The following FZD3 variants were observed in gnomAD, a reference collection of about 807,000 sequenced individuals.
FZD3 encodes the protein frizzled class receptor 3.
FZD3 carries 30 observed loss-of-function variants against 60.7 expected under a neutral mutation model. The ratio of observed to expected loss-of-function variants is 0.49; its 90% CI spans 0.37 to 0.67. FZD3 has a LOEUF of 0.67. Ranked by LOEUF, FZD3 falls within the 30% of genes least tolerant of loss-of-function variation. The pLI is 0.00. For missense variants in FZD3, 605 were observed against 838.7 expected (o/e 0.72, Z 3.44); for synonymous variants, 246 against 275.2 (o/e 0.89, Z 1.05).
chr8:28,508,678 T>TTTTGTTTGTTTG (rs147155384), intron 3 of FZD3, among the ~76,000 whole-genome samples: 2 of 151,442 alleles, frequency 1.3e-5, no homozygotes, highest in African/African-American at 4.9e-5. Flanking sequence ...TTTTTGTGTT[T>TTTTGTTTGTTTG]TTTGTTTGTT....
At chr8:28,503,889 C>T (rs1804066781) in intron 3 of FZD3, among the ~76,000 whole-genome samples, 1 of 152,156 alleles carries the variant, frequency 6.6e-6, no homozygotes, top group Non-Finnish European at 1.5e-5. Flanking sequence ...AGTTTCTTTG[C>T]TTGTAACTTA....
intron 4 of FZD3, among the ~76,000 whole-genome samples, chr8:28,522,454 G>A (rs779347548): frequency 6.6e-6 from 1 of 151,888 alleles, no homozygotes; most frequent in Admixed American, 6.6e-5. Context: ...CTTCCCTTTT[G>A]TTTAGCCCCA....
Position 28,569,818 on chromosome 8 carries a change from G to A in FZD3, c.*6807G>A, listed in dbSNP as rs1481246785. 5 of 152,074 alleles carry A rather than the reference G, an allele frequency of 3.3e-5. No homozygotes were observed. Among genetic ancestry groups the A allele is most frequent in the African/African-American group, 1.2e-4 (5 of 41,416 alleles). The allele number at this position is 152,074 out of a possible 1,614,324, so 9.4% of individuals were successfully genotyped here. ...GATACATAGAAAAGAATGACATAAC[G>A]TTTTGTGGTCTTTGTTCTCTTAAAT... On this transcript the variant is annotated 3_prime_UTR_variant, in exon 8 of 8. Transcript: ENST00000240093.
chr8:28,564,846 G>A lies in FZD3; in HGVS notation c.*1835G>A, dbSNP rs1273472166. ...TAACTCTCCGAGCCTCAGTTCCCTT[G>A]TTTGTAAATGAAGATAGAAGATAAA... is the stretch of plus-strand genomic sequence containing the variant. On this transcript the variant is annotated 3_prime_UTR_variant, in exon 8 of 8. Coordinates refer to ENST00000240093, the MANE Select transcript of FZD3 (RefSeq NM_017412.4). 1 of 151,820 alleles carries A rather than the reference G, an allele frequency of 6.6e-6. No individual in the cohort carries two copies. Among genetic ancestry groups the A allele is most frequent in the Non-Finnish European group, 1.5e-5 (1 of 67,850 alleles). The allele number at this position is 151,820 out of a possible 1,614,324, so 9.4% of individuals were successfully genotyped here.
At chr8:28,504,566 G>GT (rs1278279147) in intron 3 of FZD3, among the ~76,000 whole-genome samples, 4 of 152,264 alleles carry the variant, frequency 2.6e-5, no homozygotes, top group Non-Finnish European at 4.4e-5. Flanking sequence ...CCATGTAGTA[G>GT]GTTTAAGACT....
At chr8:28,545,579 T>C (rs1805275438) in intron 5 of FZD3, among the ~76,000 whole-genome samples, 1 of 152,230 alleles carries the variant, frequency 6.6e-6, no homozygotes, top group African/African-American at 2.4e-5. Flanking sequence ...GAAGCCATCC[T>C]GTATGTATGT....
chr8:28,539,257 G>A (rs1457822179), intron 5 of FZD3, among the ~76,000 whole-genome samples: 7 of 152,108 alleles, frequency 4.6e-5, no homozygotes, highest in African/African-American at 7.2e-5. Context: ...TCATAGGAGC[G>A]CGAACCCTGT....
intron 3 of FZD3, among the ~76,000 whole-genome samples, chr8:28,510,056 A>G (rs772842887): frequency 1.8e-4 from 28 of 152,186 alleles, no homozygotes; most frequent in Non-Finnish European, 3.8e-4. Context: ...CCAGTAATAC[A>G]CAAGATTCCA....
chr8:28,519,080 A>G (rs1804505575), intron 3 of FZD3, among the ~76,000 whole-genome samples: 1 of 152,200 alleles, frequency 6.6e-6, no homozygotes, highest in Non-Finnish European at 1.5e-5. Context: ...CTTTGACATC[A>G]GTTTCTATAA....
Position 28,570,151 on chromosome 8 carries a change from T to G in FZD3, c.*7140T>G, listed in dbSNP as rs1411534607. 1 of 152,196 alleles carries G rather than the reference T, an allele frequency of 6.6e-6. No individual in the cohort carries two copies. Among genetic ancestry groups the G allele is most frequent in the Non-Finnish European group, 1.5e-5 (1 of 68,026 alleles). The allele number at this position is 152,196 out of a possible 1,614,324, so 9.4% of individuals were successfully genotyped here. On this transcript the variant is annotated 3_prime_UTR_variant, in exon 8 of 8. Coordinates refer to ENST00000240093, the MANE Select transcript of FZD3 (RefSeq NM_017412.4). ...GTTATTTTTAATTTTTTTCTGGCTATACAGAAAATGTTTCTGGAAAAATTC... is the reference window on the plus strand; with the variant it reads ...GTTATTTTTAATTTTTTTCTGGCTAGACAGAAAATGTTTCTGGAAAAATTC...
At chr8:28,498,582 T>C (rs1282188421) in intron 1 of FZD3, among the ~76,000 whole-genome samples, 1 of 152,214 alleles carries the variant, frequency 6.6e-6, no homozygotes, top group Non-Finnish European at 1.5e-5. Flanking sequence ...TATTTTTTTA[T>C]TTTATTTAAT....
intron 5 of FZD3, among the ~76,000 whole-genome samples, chr8:28,542,120 C>T (rs1277355412): frequency 3.5e-5 from 5 of 144,654 alleles, no homozygotes; most frequent in Non-Finnish European, 7.5e-5. Flanking sequence ...TAACTACTCC[C>T]TGCAGTGCCA....
intron 5 of FZD3, among the ~76,000 whole-genome samples, chr8:28,528,677 A>T (rs7000945): frequency 3.3e-5 from 5 of 152,128 alleles, no homozygotes; most frequent in African/African-American, 1.2e-4. Context: ...ATGGAATTTT[A>T]AATCTAGAAA....
intron 3 of FZD3, among the ~76,000 whole-genome samples, chr8:28,509,731 C>T (rs976314198): frequency 6.6e-6 from 1 of 152,146 alleles, no homozygotes; most frequent in African/African-American, 2.4e-5. Context: ...TTTAGCATAA[C>T]GTCCTCAAGG....
At chr8:28,529,322 C>G (rs148129059) in intron 5 of FZD3, among the ~76,000 whole-genome samples, 57 of 152,286 alleles carry the variant, frequency 3.7e-4, no homozygotes, top group African/African-American at 1.4e-3. Context: ...CACCAGCCAC[C>G]TTTCCATCTC....
chr8:28,552,165 CAA>C (rs760885480), intron 6 of FZD3, among the ~76,000 whole-genome samples: 3 of 152,120 alleles, frequency 2.0e-5, no homozygotes, highest in Non-Finnish European at 4.4e-5. Flanking sequence ...AGTGCTTGGC[CAA>C]AGTCACACAG....
chr8:28,514,627 G>A (rs936902287), intron 3 of FZD3, among the ~76,000 whole-genome samples: 2 of 152,138 alleles, frequency 1.3e-5, no homozygotes, highest in African/African-American at 4.8e-5. Context: ...TGTATAAATA[G>A]AATCATGCCG....
intron 5 of FZD3, among the ~76,000 whole-genome samples, chr8:28,537,448 CT>C (rs1805045082): frequency 6.6e-6 from 1 of 152,196 alleles, no homozygotes; most frequent in African/African-American, 2.4e-5. Context: ...GCATGGCAAA[CT>C]GTAAAAGATC....
chr8:28,520,827 T>C lies in FZD3; in HGVS notation c.379T>C (p.Cys127Arg), dbSNP rs1280408286. Reference sequence around the variant, plus strand: ...TGTTCCTTGGCCTGAAGATATGGAATGCAGTAGGTGCGAAAATCATAGATT... The same window carrying C: ...TGTTCCTTGGCCTGAAGATATGGAACGCAGTAGGTGCGAAAATCATAGATT... The part of the protein sequence containing the change: ...FGVPWPEDME[C>R]SRFPDCDEPY... Residue 127 changes from cysteine (C) to arginine (R), a missense_variant, in exon 4 of 8, where the codon TGC (cysteine) becomes CGC (arginine). By Grantham distance (180) the Cys-to-Arg change is radical (BLOSUM62 -3). Coordinates refer to ENST00000240093, the MANE Select transcript of FZD3 (RefSeq NM_017412.4). The C allele has an allele frequency of 6.3e-7, 1 of 1,577,822 alleles. No homozygotes were observed. Among genetic ancestry groups the C allele is most frequent in the Non-Finnish European group, 8.6e-7 (1 of 1,158,220 alleles).
Sources: allele counts gnomAD v4.1 joint callset (sites outside exome capture counted in the v4.1 genomes callset), GRCh38; gene constraint gnomAD v4.1.1; transcripts MANE v1.5; gene names NCBI Gene and HGNC (gene_info 2026-07-23, HGNC 2026-07-21).